Variants in CEP83 observed in about 807,000 individuals in gnomAD.
CEP83 encodes the protein centrosomal protein 83.
A neutral mutation model predicts 101.9 loss-of-function variants in CEP83; 70 were observed. The observed-to-expected ratio is 0.69, with a 90% CI of 0.57 to 0.84. CEP83 has a LOEUF of 0.84. Among genes scored for constraint, CEP83 ranks in the 40% least tolerant of loss-of-function variants. The probability of loss-of-function intolerance (pLI) is 0.00; values close to 1 mark genes in which losing one functional copy is unlikely to be tolerated. For synonymous variants in CEP83, 264 were observed against 267.9 expected, an observed-to-expected ratio of 0.99 and a Z score of 0.14; for missense variants, 715 against 787.2, an observed-to-expected ratio of 0.91 and a Z score of 1.10.
intron 1 of CEP83, among the ~76,000 whole-genome samples, chr12:94,438,770 A>G (rs1251359285): frequency 6.6e-6 from 1 of 152,238 alleles, no homozygotes; most frequent in Non-Finnish European, 1.5e-5. Context: ...TCTCCAAGAT[A>G]GACCACAAAA....
chr12:94,320,898 T>A (rs2058718611), intron 14 of CEP83, among the ~76,000 whole-genome samples: 1 of 152,186 alleles, frequency 6.6e-6, no homozygotes, highest in African/African-American at 2.4e-5. Context: ...AATTTTGTTC[T>A]CTATAGTTCC....
At chr12:94,442,641 ATC>A (rs2066496583) in intron 1 of CEP83, among the ~76,000 whole-genome samples, 1 of 152,188 alleles carries the variant, frequency 6.6e-6, no homozygotes, top group Non-Finnish European at 1.5e-5. Flanking sequence ...CCTCTTGATA[ATC>A]TGTCTTTTGT....
the CEP83 span, among the ~76,000 whole-genome samples, chr12:94,289,428 G>A: frequency 0.16 from 23,844 of 152,168 alleles, 2,095 homozygotes; most frequent in Middle Eastern, 0.21. Context: ...ATTGCCGTGC[G>A]TACCAGTTCT....
intron 4 of CEP83, among the ~76,000 whole-genome samples, chr12:94,406,075 T>C (rs1028323102): frequency 6.6e-6 from 1 of 152,206 alleles, no homozygotes; most frequent in Non-Finnish European, 1.5e-5. Flanking sequence ...GAAATTGTTA[T>C]ACTACTCAGA....
the CEP83 span, among the ~76,000 whole-genome samples, chr12:94,293,115 T>G: frequency 4.6e-5 from 7 of 152,358 alleles, no homozygotes; most frequent in Admixed American, 1.3e-4. Context: ...CTGTCGAGCT[T>G]CTTCTGCTCA....
At chr12:94,362,591 C>G (rs1665143037) in intron 11 of CEP83, among the ~76,000 whole-genome samples, 1 of 151,428 alleles carries the variant, frequency 6.6e-6, no homozygotes, top group Non-Finnish European at 1.5e-5. Context: ...GAGCCGAGAT[C>G]ACACCACTGC....
chr12:94,392,470 T>G (rs1447853396), intron 6 of CEP83, among the ~76,000 whole-genome samples: 1 of 152,172 alleles, frequency 6.6e-6, no homozygotes, highest in African/African-American at 2.4e-5. Context: ...TACCAGAATC[T>G]CTGGGACACA....
At chr12:94,309,880 TACG>T (rs1969573749) in intron 16 of CEP83, 35 bp downstream of exon 16, 2 of 1,309,850 alleles carry the variant, frequency 1.5e-6, no homozygotes, top group Non-Finnish European at 1.0e-6. Context: ...TACAAAAATG[TACG>T]ACTTTTTTTT....
intron 16 of CEP83, among the ~76,000 whole-genome samples, chr12:94,309,605 TATTAAC>T (rs1969522983): frequency 6.6e-6 from 1 of 152,202 alleles, no homozygotes; most frequent in Non-Finnish European, 1.5e-5. Flanking sequence ...TAGTAATTAC[TATTAAC>T]ATTATGAATA....
downstream of CEP83, chr12:94,303,726 T>TG (rs1378744192): frequency 1.6e-6 from 2 of 1,271,744 alleles, no homozygotes; most frequent in Non-Finnish European, 2.1e-6. Flanking sequence ...CTTTTGGTGA[T>TG]GGTTGCTTTT....
At chr12:94,432,485 T>C (rs2065712535) in intron 2 of CEP83, among the ~76,000 whole-genome samples, 1 of 151,974 alleles carries the variant, frequency 6.6e-6, no homozygotes, top group Non-Finnish European at 1.5e-5. Flanking sequence ...ATAAGTGAAA[T>C]AAGCCAGGCA....
chr12:94,352,713 T>A (rs2060260141), intron 11 of CEP83, among the ~76,000 whole-genome samples: 1 of 151,820 alleles, frequency 6.6e-6, no homozygotes, highest in South Asian at 2.1e-4. Context: ...AAAAATACAA[T>A]CAAGAATTTC....
chr12:94,356,536 T>C (rs2060485083), intron 11 of CEP83, among the ~76,000 whole-genome samples: 1 of 152,172 alleles, frequency 6.6e-6, no homozygotes, highest in African/African-American at 2.4e-5. Flanking sequence ...TTCGGCAAGC[T>C]AGACAAGAGG....
intron 4 of CEP83, among the ~76,000 whole-genome samples, chr12:94,408,783 A>G (rs1332335173): frequency 1.1e-4 from 17 of 151,922 alleles, no homozygotes; most frequent in Admixed American, 1.1e-3. Flanking sequence ...AGAGTTACCC[A>G]GTTACGTTAC....
At chr12:94,332,755 T>C (rs1005140395) in intron 13 of CEP83, among the ~76,000 whole-genome samples, 1 of 152,142 alleles carries the variant, frequency 6.6e-6, no homozygotes, top group East Asian at 1.9e-4. Flanking sequence ...TAAAAAAGCA[T>C]GGACAAACCT....
chr12:94,356,601 G>C (rs2060489851), intron 11 of CEP83, among the ~76,000 whole-genome samples: 1 of 152,192 alleles, frequency 6.6e-6, no homozygotes, highest in Non-Finnish European at 1.5e-5. Context: ...GATCAAGAGG[G>C]AAATATTACA....
At chr12:94,444,194 T>C (rs1472394607) in intron 1 of CEP83, among the ~76,000 whole-genome samples, 1 of 152,174 alleles carries the variant, frequency 6.6e-6, no homozygotes, top group Non-Finnish European at 1.5e-5. Context: ...AGGTCAGAAA[T>C]TCAAGATCAG....
Position 94,432,276 on chromosome 12 carries a change from A to G in CEP83, c.-102+2999T>C, listed in dbSNP as rs181178890. 2.6e-5 allele frequency among the ~76,000 whole-genome samples: 4 copies of G among 151,422 alleles called. No individual in the cohort carries two copies. In the East Asian group the frequency reaches 7.8e-4, roughly 29 times the overall value. ...ACAGGGTTTCACCGTTTTAGCCAGG[A>G]CAGTCTCAACCTCCTGGCCTCGTGA... On this transcript the variant is annotated intron_variant, in intron 2 of 16. Transcript: ENST00000397809.
At chr12:94,335,553 GA>G (rs1374866988) in intron 12 of CEP83, 35 bp downstream of exon 12, 1 of 1,383,964 alleles carries the variant, frequency 7.2e-7, no homozygotes, top group African/African-American at 1.5e-5. Context: ...AGAAGCACTT[GA>G]AAAAATAAAA....
Sources: allele counts gnomAD v4.1 joint callset (sites outside exome capture counted in the v4.1 genomes callset), GRCh38; gene constraint gnomAD v4.1.1; transcripts MANE v1.5; gene names NCBI Gene and HGNC (gene_info 2026-07-23, HGNC 2026-07-21).